Variants in HERC2 observed in about 807,000 individuals in gnomAD.
HERC2 encodes the protein HECT and RLD domain containing E3 ubiquitin protein ligase 2.
In HERC2, 102 loss-of-function variants were observed where a neutral mutation model predicts 537.7. The observed-to-expected ratio is 0.19, with a 90% CI of 0.16 to 0.22. The LOEUF (loss-of-function observed/expected upper bound fraction) is 0.22, where lower values mean the gene tolerates loss of function less well. HERC2 is among the 10% of genes least tolerant of loss of function. The probability of loss-of-function intolerance (pLI) is 1.00; values close to 1 mark genes in which losing one functional copy is unlikely to be tolerated. For synonymous variants in HERC2, 2,224 were observed against 2,466.2 expected (o/e 0.90, Z 2.91); for missense variants, 4,236 against 6,198.2 (o/e 0.68, Z 10.63).
chr15:28,201,635 T>C (rs1040702459), intron 47 of HERC2, 81 bp from the exon 48 acceptor site: 12 of 893,616 alleles, frequency 1.3e-5, no homozygotes, highest in Non-Finnish European at 2.2e-5. Context: ...CTGTGAAATC[T>C]ATAATATTAA....
chr15:28,116,113 G>A lies in HERC2; in HGVS notation c.13609+552C>T, dbSNP rs143429293. Among the ~76,000 whole-genome samples, 6 of 152,236 alleles carry A rather than the reference G, an allele frequency of 3.9e-5. No individual in the cohort carries two copies. The South Asian group carries it at 6.2e-4, about 16-fold the overall frequency. ...TGCAGCTGTGCACAGAGCTTCCGAC[G>A]GTCCACCACCGTCAGGCCCTCAATG... is the stretch of plus-strand genomic sequence containing the variant. On this transcript the variant is annotated intron_variant, in intron 88 of 92. Coordinates refer to ENST00000261609, the MANE Select transcript of HERC2 (RefSeq NM_004667.6).
At chr15:28,284,085 G>A (rs370944225) in intron 4 of HERC2, among the ~76,000 whole-genome samples, 54 of 152,220 alleles carry the variant, frequency 3.5e-4, no homozygotes, top group Middle Eastern at 6.8e-3. Flanking sequence ...AACAAAGTTC[G>A]TGCTAAGTAC....
chr15:28,321,216 A>T (rs539325726), intron 2 of HERC2, 146 bp downstream of exon 2: 1 of 648,060 alleles, frequency 1.5e-6, no homozygotes, highest in Admixed American at 2.4e-5. Context: ...AGACTGTTAC[A>T]TTTTAAGTTA....
chr15:28,137,588 C>T (rs1369946957), intron 78 of HERC2, among the ~76,000 whole-genome samples: 2 of 152,146 alleles, frequency 1.3e-5, no homozygotes, highest in Non-Finnish European at 2.9e-5. Flanking sequence ...TGTTTTGAGG[C>T]ACCACAAACC....
rs769709952 is a variant in HERC2 at position 28,177,141 on chromosome 15, A to G, written c.9255-14T>C. ...TTGTCACAGTTCCTACAACAAGATGAAATCAGCTCTCTACAGTCAATCTGT... is the reference window on the plus strand; with the variant it reads ...TTGTCACAGTTCCTACAACAAGATGGAATCAGCTCTCTACAGTCAATCTGT... On this transcript the variant is annotated splice_polypyrimidine_tract_variant and intron_variant, in intron 60 of 92. Coordinates refer to ENST00000261609, the MANE Select transcript of HERC2 (RefSeq NM_004667.6). This position sits in a 1 kb window ranked among gnomAD's most constrained non-coding sequence, Gnocchi z 5.0. 9 of 1,605,180 alleles carry G rather than the reference A, an allele frequency of 5.6e-6. No individual in the cohort carries two copies. The highest frequency in any genetic ancestry group is 7.7e-6 in the Non-Finnish European group (9 of 1,173,654).
chr15:28,278,596 A>G (rs1483458969), intron 5 of HERC2, among the ~76,000 whole-genome samples: 1 of 152,210 alleles, frequency 6.6e-6, no homozygotes, highest in East Asian at 1.9e-4. Context: ...TGTGATTTCA[A>G]CTATATTTAA....
At chr15:28,179,388 A>G (rs1011691786) in intron 57 of HERC2, among the ~76,000 whole-genome samples, 165 bp from the exon 58 acceptor site, 1 of 152,234 alleles carries the variant, frequency 6.6e-6, no homozygotes, top group African/African-American at 2.4e-5. Context: ...GTAGATTATA[A>G]TGGAGCTGAA....
At chr15:28,294,178 C>T (rs1425190684) in intron 3 of HERC2, among the ~76,000 whole-genome samples, 9 of 152,152 alleles carry the variant, frequency 5.9e-5, no homozygotes, top group Admixed American at 5.9e-4. Flanking sequence ...CAGTGCAATT[C>T]AATTCTGAAA....
chr15:28,320,285 T>G (rs1248069063), intron 2 of HERC2: 1 of 152,262 alleles, frequency 6.6e-6, no homozygotes, highest in Non-Finnish European at 1.5e-5. Context: ...TGGCTAATTT[T>G]GTATTTTTAG....
chr15:28,264,020 C>CAAAAAAAAA (rs34823980), intron 14 of HERC2, among the ~76,000 whole-genome samples: 11 of 83,706 alleles, frequency 1.3e-4, no homozygotes, highest in Middle Eastern at 6.7e-3. Context: ...CTTTGTCTTA[C>CAAAAAAAAA]AAAAAAAAAA....
At chr15:28,292,777 T>A (rs766852290) in intron 4 of HERC2, 111 bp downstream of exon 4, 38 of 1,125,420 alleles carry the variant, frequency 3.4e-5, no homozygotes, top group Non-Finnish European at 4.7e-5. Flanking sequence ...TTAAATTTTT[T>A]ATTTACTTTT....
intron 70 of HERC2, among the ~76,000 whole-genome samples, chr15:28,149,063 A>C (rs1892096074): frequency 1.3e-5 from 2 of 151,956 alleles, no homozygotes; most frequent in South Asian, 4.2e-4. Context: ...CCGAAAAAAC[A>C]AACGAGACTC....
intron 5 of HERC2, among the ~76,000 whole-genome samples, chr15:28,276,289 CA>C (rs1567106771): frequency 1.3e-5 from 2 of 151,364 alleles, no homozygotes; most frequent in African/African-American, 2.4e-5. Flanking sequence ...CACGGCTGGC[CA>C]GGGGCAACAG....
intron 44 of HERC2, among the ~76,000 whole-genome samples, chr15:28,207,404 G>A (rs1898602028): frequency 6.6e-6 from 1 of 152,170 alleles, no homozygotes; most frequent in Non-Finnish European, 1.5e-5. Context: ...CCAAAGTGTT[G>A]GGATTACAGG....
chr15:28,264,182 C>T (rs1254852296), intron 14 of HERC2, among the ~76,000 whole-genome samples: 1 of 152,212 alleles, frequency 6.6e-6, no homozygotes, highest in Non-Finnish European at 1.5e-5. Context: ...ATATTTTCCT[C>T]AACGATCAGA....
At chr15:28,134,946 T>C (rs1890474715) in intron 79 of HERC2, among the ~76,000 whole-genome samples, 1 of 152,156 alleles carries the variant, frequency 6.6e-6, no homozygotes, top group African/African-American at 2.4e-5. Context: ...GTGCTGGGAT[T>C]ACAGGCGTGA....
chr15:28,156,840 G>A (rs1893063305), intron 69 of HERC2, among the ~76,000 whole-genome samples: 1 of 152,170 alleles, frequency 6.6e-6, no homozygotes, highest in Non-Finnish European at 1.5e-5. Flanking sequence ...AGTTTTCAAA[G>A]GGAATGCTTC....
intron 23 of HERC2, among the ~76,000 whole-genome samples, chr15:28,244,131 T>A (rs1428248235): frequency 2.0e-5 from 3 of 152,074 alleles, no homozygotes; most frequent in African/African-American, 7.2e-5. Context: ...ACCATTGCAT[T>A]CCAGCCTGGA....
intron 78 of HERC2, among the ~76,000 whole-genome samples, chr15:28,139,853 G>A (rs1463149573): frequency 6.6e-6 from 1 of 150,558 alleles, no homozygotes; most frequent in Non-Finnish European, 1.5e-5. Context: ...AAGGTCAGGA[G>A]TTCAAGACCA....
Sources: allele counts gnomAD v4.1 joint callset (sites outside exome capture counted in the v4.1 genomes callset), GRCh38; gene constraint gnomAD v4.1.1; non-coding constraint Gnocchi (gnomAD v3.1); transcripts MANE v1.5; gene names NCBI Gene and HGNC (gene_info 2026-07-23, HGNC 2026-07-21).